The following MORN5 variants were observed in gnomAD, a reference collection of about 807,000 sequenced individuals.
The protein encoded by MORN5 is MORN repeat containing 5.
A neutral mutation model predicts 22.1 loss-of-function variants in MORN5; 21 were observed. That is an observed-to-expected ratio of 0.95 (90% CI 0.67 to 1.37). MORN5 has a LOEUF of 1.37. Among genes scored for constraint, MORN5 ranks in the 40% most tolerant of loss-of-function variants. MORN5 has a pLI of 0.00. For missense variants in MORN5, 211 were observed against 215.1 expected (o/e 0.98, Z 0.12); for synonymous variants, 73 against 74.0 (o/e 0.99, Z 0.07).
Position 122,169,692 on chromosome 9 carries a change from G to A in MORN5, c.243G>A (p.Trp81Ter), listed in dbSNP as rs1829338744. Residue 81 changes from tryptophan (W) to a stop codon, truncating the protein, a stop_gained, in exon 3 of 5, where the codon TGG (tryptophan) becomes TGA (stop). Transcript: ENST00000373764. LOFTEE classifies it high-confidence loss of function. ...GGCTGCACTATGATGAGAAAAACTG[G>A]CATTACTGCGACGGCTATGATCGGA... Reference protein sequence around the residue: ...SDGLHYDEKNWHYCDGYDRRF... With the variant: ...SDGLHYDEKN 1 of 1,613,978 alleles carries A rather than the reference G, an allele frequency of 6.2e-7. No individual in the cohort carries two copies. Among genetic ancestry groups the A allele is most frequent in the Admixed American group, 1.7e-5 (1 of 59,994 alleles).
chr9:122,191,066 G>C (rs1440927947), intron 4 of MORN5, among the ~76,000 whole-genome samples: 1 of 152,154 alleles, frequency 6.6e-6, no homozygotes, highest in Non-Finnish European at 1.5e-5. Flanking sequence ...CCAGGTCCTG[G>C]TCCAGCCCTG....
intron 4 of MORN5, among the ~76,000 whole-genome samples, chr9:122,183,996 G>A (rs1829574241): frequency 6.6e-6 from 1 of 152,086 alleles, no homozygotes; most frequent in Non-Finnish European, 1.5e-5. Context: ...TGTGAATTGG[G>A]GTCTGAAAAG....
chr9:122,159,957 G>A lies in MORN5; in HGVS notation c.-16G>A, dbSNP rs1829164752. On this transcript the variant is annotated 5_prime_UTR_variant, in exon 1 of 5. Transcript: ENST00000373764. ...AGACTCCGGATCCTAACAGCTGGAA[G>A]CTAAAAACAGGCGCCATGGAGTACA... The A allele has an allele frequency of 6.2e-7, 1 of 1,613,814 alleles. No individual in the cohort carries two copies. The highest frequency in any genetic ancestry group is 1.3e-5 in the African/African-American group (1 of 74,926).
At chr9:122,166,369 T>C (rs1049914306) in intron 1 of MORN5, among the ~76,000 whole-genome samples, 2 of 152,062 alleles carry the variant, frequency 1.3e-5, no homozygotes, top group Admixed American at 1.3e-4. Flanking sequence ...TGTGGCATAA[T>C]AGGCAAGGAT....
In MORN5 at chr9:122,168,719, T is replaced by TATA. The variant is rs1484926880; in HGVS notation, c.196-915_196-913dup. 3.3e-5 allele frequency among the ~76,000 whole-genome samples: 5 copies of TATA among 152,204 alleles called. No homozygotes were observed. The South Asian group carries it at 8.3e-4, about 25-fold the overall frequency. ...GGCTGATGGCTCTGACCTTTCCAGC[T>TATA]ATAATAATAATAAAAGAATAATAAC... On this transcript the variant is annotated intron_variant, in intron 2 of 4. Coordinates refer to ENST00000373764, the MANE Select transcript of MORN5 (RefSeq NM_198469.4).
intron 4 of MORN5, among the ~76,000 whole-genome samples, chr9:122,196,459 A>G (rs553776030): frequency 1.7e-4 from 25 of 150,152 alleles, no homozygotes; most frequent in African/African-American, 5.7e-4. Context: ...TCAGTCTCCC[A>G]TGTAGCTGGG....
chr9:122,160,039 C>A lies in MORN5; in HGVS notation c.47+20C>A, dbSNP rs371385786. ...TGGGAGGTAAGGGGCTCATTTGATT[C>A]ACTTACTATACCTTGAATAGCTGTG... On this transcript the variant is annotated intron_variant, in intron 1 of 4. Coordinates refer to ENST00000373764, the MANE Select transcript of MORN5 (RefSeq NM_198469.4). 4 of 1,608,464 alleles carry A rather than the reference C, an allele frequency of 2.5e-6. No homozygotes were observed. In the African/African-American group the frequency reaches 5.4e-5, roughly 22 times the overall value.
chr9:122,160,452 G>T (rs930113639), intron 1 of MORN5, among the ~76,000 whole-genome samples: 1 of 152,188 alleles, frequency 6.6e-6, no homozygotes, highest in African/African-American at 2.4e-5. Context: ...AGGAGTTCAC[G>T]ATCTAGGGAT....
chr9:122,177,441 T>A (rs953377689), intron 4 of MORN5, among the ~76,000 whole-genome samples: 36 of 152,274 alleles, frequency 2.4e-4, no homozygotes, highest in Non-Finnish European at 4.4e-4. Flanking sequence ...GCTTCTTTTT[T>A]TTCATTTTGA....
intron 4 of MORN5, among the ~76,000 whole-genome samples, chr9:122,191,690 G>A: frequency 6.6e-6 from 1 of 152,272 alleles, no homozygotes; most frequent in East Asian, 1.9e-4. Flanking sequence ...CCAAAGGCGT[G>A]CGAAGAGCAG....
At position 122,171,278 on chromosome 9, in the gene MORN5, C is replaced by A. The variant is rs544535913; in HGVS notation, c.307+1522C>A. 4.3e-4 allele frequency among the ~76,000 whole-genome samples: 66 copies of A among 152,306 alleles called. 1 individual carries two copies. The South Asian group carries it at 0.013, about 31-fold the overall frequency. On this transcript the variant is annotated intron_variant, in intron 3 of 4. Transcript: ENST00000373764. The stretch of plus-strand genomic sequence containing the variant: ...TCAGGCAGACCTGAGCTCAAACCCC[C>A]ATCTCCTTCCCTTCCCAGCTTCATG...
At chr9:122,176,073 G>T (rs1237598445) in intron 4 of MORN5, among the ~76,000 whole-genome samples, 1 of 148,306 alleles carries the variant, frequency 6.7e-6, no homozygotes, top group African/African-American at 2.5e-5. Flanking sequence ...AGCCGAGATC[G>T]CGCCACTGCA....
chr9:122,167,116 C>T (rs549895888), intron 2 of MORN5, among the ~76,000 whole-genome samples: 1 of 149,262 alleles, frequency 6.7e-6, no homozygotes, highest in East Asian at 2.0e-4. Flanking sequence ...GGCACAATCT[C>T]GGCTCACTGC....
intron 4 of MORN5, among the ~76,000 whole-genome samples, chr9:122,177,879 G>C (rs1317550274): frequency 6.6e-6 from 1 of 152,094 alleles, no homozygotes; most frequent in Admixed American, 6.6e-5. Context: ...ATTAACACAA[G>C]GCCCTCTCCC....
intron 2 of MORN5, among the ~76,000 whole-genome samples, chr9:122,167,979 T>C (rs1829311882): frequency 6.6e-6 from 1 of 152,226 alleles, no homozygotes; most frequent in Non-Finnish European, 1.5e-5. Context: ...TCTCTCACCC[T>C]GACCTTACTA....
At chr9:122,164,535 C>T (rs1829248776) in intron 1 of MORN5, 2 of 977,958 alleles carry the variant, frequency 2.0e-6, no homozygotes, top group Non-Finnish European at 1.2e-6. Context: ...TGATACCATT[C>T]ATGGAAATAG....
At chr9:122,181,365 A>G (rs752288721) in intron 4 of MORN5, among the ~76,000 whole-genome samples, 3 of 152,180 alleles carry the variant, frequency 2.0e-5, no homozygotes, top group Admixed American at 2.0e-4. Context: ...GAATGGGCTC[A>G]TCCTGAGATT....
In MORN5 at chr9:122,166,802, G is replaced by T; in HGVS notation, c.82G>T (p.Glu28Ter). ...CAAAGCCAAGTACATCCTCCCTACC[G>T]AAACAATATATGTTGGGGAAATGAA... The part of the protein sequence containing the change: ...EGKAKYILPT[E>*]TIYVGEMKDG... The change falls in exon 2 of 5, where the codon GAA (glutamate) becomes TAA (stop). Residue 28 changes from glutamate (E) to a stop codon, truncating the protein, a stop_gained. Transcript: ENST00000373764. LOFTEE classifies it high-confidence loss of function. 6.2e-7 allele frequency: 1 copy of T among 1,613,718 alleles called. No individual in the cohort carries two copies. Among genetic ancestry groups the T allele is most frequent in the South Asian group, 1.1e-5 (1 of 91,012 alleles).
chr9:122,195,341 A>T (rs567188665), intron 4 of MORN5, among the ~76,000 whole-genome samples: 1 of 152,286 alleles, frequency 6.6e-6, no homozygotes, highest in South Asian at 2.1e-4. Context: ...GTGAACTAAT[A>T]TTGATGTTAT....
Sources: gnomAD v4.1 joint callset for allele counts (sites outside exome capture counted in the v4.1 genomes callset) on GRCh38, gnomAD v4.1.1 for gene constraint, MANE v1.5 for transcripts, NCBI Gene and HGNC (gene_info 2026-07-23, HGNC 2026-07-21) for gene names.